The following TRPV1 variants were observed in gnomAD, a reference collection of about 807,000 sequenced individuals.
TRPV1 encodes transient receptor potential cation channel subfamily V member 1.
Under a neutral mutation model 82.3 loss-of-function variants are expected in TRPV1, and 82 were observed. The ratio of observed to expected loss-of-function variants is 1.00; its 90% confidence interval spans 0.83 to 1.20. The LOEUF is 1.20. Among genes scored for constraint, TRPV1 ranks in the 50% most tolerant of loss-of-function variants. TRPV1 has a pLI of 0.00. For missense variants in TRPV1, 1,067 were observed against 1,096.8 expected (o/e 0.97, Z 0.38); for synonymous variants, 515 against 467.7 (o/e 1.10, Z -1.30).
At chr17:3,587,334 C>CTCA (rs2075097288) in intron 8 of TRPV1, among the ~76,000 whole-genome samples, 1 of 152,200 alleles carries the variant, frequency 6.6e-6, no homozygotes, top group South Asian at 2.1e-4. Context: ...GTGGAAGCCC[C>CTCA]TCACTGCTGA....
intron 10 of TRPV1, among the ~76,000 whole-genome samples, chr17:3,581,441 C>G (rs1426692119): frequency 6.6e-6 from 1 of 152,034 alleles, no homozygotes; most frequent in Non-Finnish European, 1.5e-5. Context: ...TACTGTGGCA[C>G]TGTACTTTAC....
intron 2 of TRPV1, among the ~76,000 whole-genome samples, chr17:3,607,591 C>T (rs1420773108): frequency 6.7e-6 from 1 of 148,714 alleles, no homozygotes; most frequent in Admixed American, 6.7e-5. Context: ...GGCTAGAGTG[C>T]AGTGGTGCGA....
chr17:3,590,400 G>A lies in TRPV1; in HGVS notation c.605-8C>T, dbSNP rs972486970. 4.3e-6 allele frequency: 7 copies of A among 1,612,366 alleles called. No homozygotes were observed. The highest frequency in any genetic ancestry group is 5.9e-6 in the Non-Finnish European group (7 of 1,179,132). On this transcript the variant is annotated splice_polypyrimidine_tract_variant and splice_region_variant and intron_variant, in intron 5 of 16. Transcript: ENST00000572705. ...TGTGCAGTGCTGTCTGGCCTACAGAGGACGCGCACGGTTGGCTTCGTGGTC... is the reference window on the plus strand; with the variant it reads ...TGTGCAGTGCTGTCTGGCCTACAGAAGACGCGCACGGTTGGCTTCGTGGTC...
At chr17:3,567,491 T>TC (rs2074784063) in intron 16 of TRPV1, among the ~76,000 whole-genome samples, 1 of 151,332 alleles carries the variant, frequency 6.6e-6, no homozygotes, top group Admixed American at 6.6e-5. Flanking sequence ...CCTCAACTAC[T>TC]CAAAGAGCCT....
Position 3,572,141 on chromosome 17 carries a change from C to A in TRPV1, c.2212G>T (p.Asp738Tyr), listed in dbSNP as rs199693047. Residue 738 changes from aspartate to tyrosine, a missense_variant, in exon 15 of 17, where the codon GAC becomes TAC. Transcript: ENST00000572705. ...CATTACCTGAAGCACCACCGGTAGT[C>A]GTCCTTGCCATCAGGTGTGTACCCC... The part of the protein sequence containing the change: ...QVGYTPDGKD[D>Y]YRWCFRVDEV... 1.1e-4 allele frequency: 183 copies of A among 1,613,506 alleles called. No homozygotes were observed. Among genetic ancestry groups the A allele is most frequent in the Non-Finnish European group, 1.5e-4 (178 of 1,179,646 alleles).
chr17:3,586,783 T>C (rs1413585927), intron 8 of TRPV1, among the ~76,000 whole-genome samples: 2 of 151,382 alleles, frequency 1.3e-5, no homozygotes, highest in African/African-American at 4.9e-5. Flanking sequence ...AAATATAAAA[T>C]AAAATAAAAT....
intron 2 of TRPV1, among the ~76,000 whole-genome samples, chr17:3,599,396 T>C (rs1449101535): frequency 6.6e-6 from 1 of 152,098 alleles, no homozygotes; most frequent in African/African-American, 2.4e-5. Flanking sequence ...TTTTTCATCA[T>C]CCCAAACTGA....
chr17:3,569,770 A>G (rs1482927002), intron 16 of TRPV1, among the ~76,000 whole-genome samples: 2 of 152,232 alleles, frequency 1.3e-5, no homozygotes, highest in African/African-American at 4.8e-5. Context: ...GAGGGTGATC[A>G]GAGAGTGGCT....
rs995441632 is a variant in TRPV1 at position 3,567,106 on chromosome 17, C to T, written c.2348-119G>A. On this transcript the variant is annotated intron_variant, in intron 16 of 16. Transcript: ENST00000572705. ...GGCACGATGGCTCATGCCTGTAATC[C>T]CAGCACTTTGGGAGGCCGAGGCAGG... The T allele has an allele frequency of 4.7e-5, 57 of 1,223,656 alleles. 1 individual carries two copies. In the East Asian group the frequency reaches 1.4e-3, roughly 31 times the overall value. The allele number at this position is 1,223,656 out of a possible 1,614,324, so 75.8% of individuals were successfully genotyped here.
At chr17:3,602,458 G>A (rs1344782665) in intron 2 of TRPV1, among the ~76,000 whole-genome samples, 5 of 152,228 alleles carry the variant, frequency 3.3e-5, no homozygotes, top group Non-Finnish European at 7.3e-5. Context: ...ACTGCCATCA[G>A]TGTGGTTTTC....
At chr17:3,599,570 G>A (rs1230729784) in intron 2 of TRPV1, among the ~76,000 whole-genome samples, 1 of 149,122 alleles carries the variant, frequency 6.7e-6, no homozygotes. Flanking sequence ...CTTTCACTTA[G>A]CATAATTTCC....
chr17:3,577,399 G>C (rs917324463), intron 12 of TRPV1, among the ~76,000 whole-genome samples, 199 bp downstream of exon 12: 2 of 152,118 alleles, frequency 1.3e-5, no homozygotes, highest in Admixed American at 6.5e-5. Context: ...TGGTGTGCAG[G>C]GGGGGTCAGG....
chr17:3,573,387 G>T (rs981371576), intron 14 of TRPV1, among the ~76,000 whole-genome samples: 3 of 152,148 alleles, frequency 2.0e-5, no homozygotes, highest in Non-Finnish European at 2.9e-5. Context: ...AGGGGAACTT[G>T]CTGGAAGTCC....
At position 3,583,399 on chromosome 17, in the gene TRPV1, T is replaced by TA. The variant is rs1567665807; in HGVS notation, c.1414dup (p.Tyr472LeufsTer42). ...CAGGATCTCTCCAGTAACTCGGAAA[T>TA]AGTCTCCAGTTTTTTCCATCTTAAA... On this transcript the variant is annotated frameshift_variant, in exon 10 of 17. Transcript: ENST00000572705. LOFTEE classifies it high-confidence loss of function. 3.1e-6 allele frequency: 5 copies of TA among 1,609,454 alleles called. No individual in the cohort carries two copies. Among genetic ancestry groups the TA allele is most frequent in the Non-Finnish European group, 3.4e-6 (4 of 1,177,836 alleles).
intron 13 of TRPV1, among the ~76,000 whole-genome samples, chr17:3,574,917 C>CAAAAAAAAAAAA (rs55990804): frequency 1.2e-5 from 1 of 82,932 alleles, no homozygotes; most frequent in Non-Finnish European, 2.4e-5. Flanking sequence ...GACTCTATCT[C>CAAAAAAAAAAAA]AAAAAAAAAA....
intron 16 of TRPV1, among the ~76,000 whole-genome samples, chr17:3,569,453 T>C (rs1010755132): frequency 6.6e-6 from 1 of 152,098 alleles, no homozygotes; most frequent in African/African-American, 2.4e-5. Context: ...AAATAAAAAC[T>C]GCAATTCCCA....
intron 13 of TRPV1, among the ~76,000 whole-genome samples, chr17:3,574,820 G>A (rs2074907857): frequency 1.3e-5 from 2 of 151,654 alleles, no homozygotes; most frequent in Admixed American, 1.3e-4. Flanking sequence ...CTAGCTACTT[G>A]GGAGGCTGAG....
intron 2 of TRPV1, among the ~76,000 whole-genome samples, chr17:3,597,674 T>TTC (rs1555552135): frequency 9.8e-6 from 1 of 102,418 alleles, no homozygotes; most frequent in African/African-American, 2.9e-5. Context: ...GTCATTTCCT[T>TTC]TTTTTTTTTT....
chr17:3,587,935 G>A (rs1347121553), intron 8 of TRPV1, among the ~76,000 whole-genome samples: 1 of 151,978 alleles, frequency 6.6e-6, no homozygotes, highest in East Asian at 1.9e-4. Flanking sequence ...TTTTTAAATA[G>A]TATAAAAGGA....
Sources: allele counts gnomAD v4.1 joint callset (sites outside exome capture counted in the v4.1 genomes callset), GRCh38; gene constraint gnomAD v4.1.1; transcripts MANE v1.5; gene names NCBI Gene and HGNC (gene_info 2026-07-23, HGNC 2026-07-21).